KDM5B: variants seen among roughly 807,000 people sequenced by gnomAD.
KDM5B encodes the protein lysine demethylase 5B, also known as lysine-specific demethylase 5B.
In KDM5B, 144 loss-of-function variants were observed where a neutral mutation model predicts 193.4. The observed-to-expected ratio is 0.74, with a 90% CI of 0.65 to 0.86. KDM5B has a LOEUF of 0.86. Ranked by LOEUF, KDM5B falls within the 40% of genes least tolerant of loss-of-function variation. KDM5B has a pLI of 0.00. For missense variants in KDM5B, 1,833 were observed against 1,886.9 expected (o/e 0.97, Z 0.53); for synonymous variants, 668 against 682.6 (o/e 0.98, Z 0.33).
chr1:202,778,777 C>T (rs1033187717), intron 1 of KDM5B, among the ~76,000 whole-genome samples: 1 of 152,122 alleles, frequency 6.6e-6, no homozygotes, highest in African/African-American at 2.4e-5. Flanking sequence ...CATGTGCCAC[C>T]ACACCCAGCT....
At chr1:202,777,565 C>A (rs1030239733) in intron 1 of KDM5B, among the ~76,000 whole-genome samples, 1 of 151,934 alleles carries the variant, frequency 6.6e-6, no homozygotes, top group Non-Finnish European at 1.5e-5. Flanking sequence ...GTGATCACAG[C>A]TGGTGGAAAC....
chr1:202,765,301 A>G (rs1216028661), intron 5 of KDM5B, among the ~76,000 whole-genome samples: 1 of 152,246 alleles, frequency 6.6e-6, no homozygotes, highest in African/African-American at 2.4e-5. Flanking sequence ...ATAGAAGCCA[A>G]TCTCAGTTTC....
chr1:202,753,526 C>T (rs1194885221), intron 11 of KDM5B, among the ~76,000 whole-genome samples: 1 of 137,938 alleles, frequency 7.2e-6, no homozygotes, highest in Admixed American at 8.0e-5. Context: ...GTGATGTGAA[C>T]ATATGTAATG....
chr1:202,758,737 A>C, intron 8 of KDM5B: 1 of 350,468 alleles, frequency 2.9e-6, no homozygotes, highest in Non-Finnish European at 5.2e-6. Context: ...CAATTTTAAC[A>C]ACCACAACTT....
rs1242616609 is a variant in KDM5B at position 202,732,543 on chromosome 1, C to A, written c.3910-604G>T. 2.0e-5 allele frequency among the ~76,000 whole-genome samples: 3 copies of A among 152,070 alleles called. No individual in the cohort carries two copies. The East Asian group carries it at 5.8e-4, about 29-fold the overall frequency. On this transcript the variant is annotated intron_variant, in intron 23 of 26. Coordinates refer to ENST00000367265, the MANE Select transcript of KDM5B (RefSeq NM_006618.5). ...TCATCTATGCAACAAATATTTAATT[C>A]ATCATCTATGTGTCAGGCACTGTAT...
intron 4 of KDM5B, among the ~76,000 whole-genome samples, chr1:202,770,816 A>T (rs1489926770): frequency 2.6e-5 from 4 of 152,224 alleles, no homozygotes; most frequent in Non-Finnish European, 5.9e-5. Context: ...ATACTTTCCT[A>T]TGTTTTTAAA....
rs140716322 is a variant in KDM5B, at chr1:202,778,119, G to A, written c.205-1025C>T. Among the ~76,000 whole-genome samples, 529 of 151,866 alleles carry A rather than the reference G, an allele frequency of 3.5e-3. 3 individuals carry two copies. The highest frequency in any genetic ancestry group is 9.2e-3 in the Admixed American group (140 of 15,226). The stretch of plus-strand genomic sequence containing the variant: ...GAACACAAGAGGCAGAGGTTGCAGT[G>A]AGCCAAGATCGCGCCATTGCACTCC... On this transcript the variant is annotated intron_variant, in intron 1 of 26. Transcript: ENST00000367265.
At chr1:202,781,631 A>C (rs990388104) in intron 1 of KDM5B, among the ~76,000 whole-genome samples, 4 of 152,254 alleles carry the variant, frequency 2.6e-5, no homozygotes, top group African/African-American at 9.6e-5. Context: ...AAAGGAAATC[A>C]CACTGCTTCT....
chr1:202,740,543 G>A (rs562118115), intron 20 of KDM5B, 131 bp downstream of exon 20: 73 of 660,592 alleles, frequency 1.1e-4, no homozygotes, highest in African/African-American at 8.2e-4. Flanking sequence ...GGGCAGAGGC[G>A]CCCCTCACCT....
intron 16 of KDM5B, 43 bp downstream of exon 16, chr1:202,745,815 G>A: frequency 6.2e-7 from 1 of 1,608,872 alleles, no homozygotes; most frequent in Non-Finnish European, 8.5e-7. Flanking sequence ...ATCACAATAA[G>A]CCCCAATTTG....
chr1:202,796,476 C>T, intron 1 of KDM5B: 1 of 214,440 alleles, frequency 4.7e-6, no homozygotes, highest in Non-Finnish European at 9.7e-6. Context: ...GCCTGTGTGG[C>T]TGAGCCCTTA....
intron 7 of KDM5B, among the ~76,000 whole-genome samples, chr1:202,761,337 T>C (rs1656242510): frequency 6.6e-6 from 1 of 151,932 alleles, no homozygotes; most frequent in Non-Finnish European, 1.5e-5. Context: ...CCCAGCTACT[T>C]AAGAGGCTGG....
At chr1:202,789,845 C>A (rs540917960) in intron 1 of KDM5B, among the ~76,000 whole-genome samples, 1 of 151,960 alleles carries the variant, frequency 6.6e-6, no homozygotes, top group African/African-American at 2.4e-5. Context: ...CATATTGGCA[C>A]GTGCCTGTAG....
intron 5 of KDM5B, among the ~76,000 whole-genome samples, chr1:202,766,065 T>C (rs1656445301): frequency 6.6e-6 from 1 of 152,220 alleles, no homozygotes; most frequent in South Asian, 2.1e-4. Flanking sequence ...TTTTTTTAAT[T>C]AGCTAGGCAT....
chr1:202,779,238 C>T (rs1290821132), intron 1 of KDM5B, among the ~76,000 whole-genome samples: 2 of 151,994 alleles, frequency 1.3e-5, no homozygotes, highest in Non-Finnish European at 2.9e-5. Context: ...ACAATTCAAC[C>T]GGCCAGGCGC....
chr1:202,762,736 T>A lies in KDM5B; in HGVS notation c.881A>T (p.Glu294Val). The change falls in exon 7 of 27, where the codon GAA becomes GTA. Residue 294 changes from glutamate to valine, a missense_variant. Coordinates refer to ENST00000367265, the MANE Select transcript of KDM5B (RefSeq NM_006618.5). ...TTTTTTAGATCGACTCTTGGGCTTT[T>A]CCTTCTCATTTTCTACAATATAATC... ...RKDYIVENEK[E>V]KPKSRSKKAT... 1 of 1,610,262 alleles carries A rather than the reference T, an allele frequency of 6.2e-7. No individual in the cohort carries two copies. Among genetic ancestry groups the A allele is most frequent in the Non-Finnish European group, 8.5e-7 (1 of 1,176,536 alleles).
intron 26 of KDM5B, 86 bp from the exon 27 acceptor site, chr1:202,729,259 G>T: frequency 1.3e-6 from 2 of 1,483,444 alleles, no homozygotes; most frequent in Non-Finnish European, 1.9e-6. Flanking sequence ...AATTCAGGCC[G>T]TTTGCCAATA....
At chr1:202,732,008 C>CA in intron 23 of KDM5B, 69 bp from the exon 24 acceptor site, 1 of 849,610 alleles carries the variant, frequency 1.2e-6, no homozygotes, top group Non-Finnish European at 1.8e-6. Flanking sequence ...AGTCCAATGA[C>CA]AGTAGCTTGC....
chr1:202,745,993 T>C lies in KDM5B; in HGVS notation c.2199-11A>G. 6.2e-7 allele frequency: 1 copy of C among 1,613,778 alleles called. No individual in the cohort carries two copies. On this transcript the variant is annotated splice_polypyrimidine_tract_variant and intron_variant, in intron 15 of 26. Coordinates refer to ENST00000367265, the MANE Select transcript of KDM5B (RefSeq NM_006618.5). ...AGCGTGTACCTATACCTGGAAATAA[T>C]ACCACCACACTTAGCTTTGAGACGT...
Sources: allele counts gnomAD v4.1 joint callset (sites outside exome capture counted in the v4.1 genomes callset), GRCh38; gene constraint gnomAD v4.1.1; transcripts MANE v1.5; gene names NCBI Gene and HGNC (gene_info 2026-07-23, HGNC 2026-07-21).